The following TRPC7 variants were observed in gnomAD, a reference collection of about 807,000 sequenced individuals.
The protein encoded by TRPC7 is transient receptor potential cation channel subfamily C member 7, also known as short transient receptor potential channel 7.
In TRPC7, 42 loss-of-function variants were observed where a neutral mutation model predicts 90.1. The observed-to-expected ratio is 0.47, with a 90% CI of 0.36 to 0.60. The LOEUF (loss-of-function observed/expected upper bound fraction) is 0.60, where lower values mean the gene tolerates loss of function less well. Among genes scored for constraint, TRPC7 ranks in the 20% least tolerant of loss-of-function variants. TRPC7 has a pLI of 0.00. For missense variants in TRPC7, 955 were observed against 1,112.3 expected, an observed-to-expected ratio of 0.86 and a Z score of 2.01; for synonymous variants, 451 against 436.3, an observed-to-expected ratio of 1.03 and a Z score of -0.42.
chr5:136,321,534 A>T (rs571142405), intron 2 of TRPC7, among the ~76,000 whole-genome samples: 1 of 152,324 alleles, frequency 6.6e-6, no homozygotes, highest in South Asian at 2.1e-4. Context: ...CTCATGTCAA[A>T]TGCTCAGGAT....
intron 3 of TRPC7, among the ~76,000 whole-genome samples, chr5:136,303,057 G>T (rs1315248075): frequency 2.0e-5 from 3 of 152,008 alleles, no homozygotes; most frequent in Non-Finnish European, 4.4e-5. Context: ...CCTCACACCC[G>T]GTCTGGCTTA....
intron 2 of TRPC7, among the ~76,000 whole-genome samples, chr5:136,327,238 A>C (rs1759371408): frequency 6.6e-6 from 1 of 152,232 alleles, no homozygotes; most frequent in African/African-American, 2.4e-5. Flanking sequence ...TACAACAATG[A>C]GAGATAATGG....
intron 2 of TRPC7, among the ~76,000 whole-genome samples, chr5:136,347,280 G>A (rs1760039495): frequency 6.6e-6 from 1 of 152,126 alleles, no homozygotes; most frequent in Non-Finnish European, 1.5e-5. Context: ...ATACTCAATT[G>A]AGTATTTGCC....
chr5:136,253,723 C>T (rs980509876), intron 5 of TRPC7, among the ~76,000 whole-genome samples: 10 of 152,248 alleles, frequency 6.6e-5, no homozygotes, highest in African/African-American at 1.9e-4. Flanking sequence ...AGTATTTCAA[C>T]AATATTGATA....
chr5:136,215,504 C>A (rs1755234763), intron 11 of TRPC7, among the ~76,000 whole-genome samples: 1 of 152,108 alleles, frequency 6.6e-6, no homozygotes, highest in Non-Finnish European at 1.5e-5. Flanking sequence ...CCTGGTGGAA[C>A]CAATTCAATC....
chr5:136,344,232 G>C (rs1263745767), intron 2 of TRPC7, among the ~76,000 whole-genome samples: 1 of 152,074 alleles, frequency 6.6e-6, no homozygotes, highest in Non-Finnish European at 1.5e-5. Context: ...GAGCGCAAAT[G>C]GACACAAAGA....
chr5:136,218,798 C>G (rs1337177173), intron 10 of TRPC7, among the ~76,000 whole-genome samples: 1 of 152,180 alleles, frequency 6.6e-6, no homozygotes, highest in Non-Finnish European at 1.5e-5. Context: ...GCATTGAGTG[C>G]TTCCATAGAC....
chr5:136,309,008 A>G (rs1014925098), intron 3 of TRPC7, among the ~76,000 whole-genome samples: 2 of 152,184 alleles, frequency 1.3e-5, no homozygotes, highest in Non-Finnish European at 2.9e-5. Flanking sequence ...GAATAGAAGG[A>G]GGCAAGGGAC....
intron 5 of TRPC7, among the ~76,000 whole-genome samples, chr5:136,264,842 C>T (rs575495724): frequency 2.6e-5 from 4 of 152,278 alleles, no homozygotes; most frequent in African/African-American, 7.2e-5. Flanking sequence ...CCACCCCCTT[C>T]GGCCTTCCAA....
intron 2 of TRPC7, among the ~76,000 whole-genome samples, chr5:136,344,577 A>C (rs1053762042): frequency 6.6e-6 from 1 of 152,164 alleles, no homozygotes; most frequent in Non-Finnish European, 1.5e-5. Flanking sequence ...ATGACTTTAC[A>C]TTTCTCATAC....
intron 3 of TRPC7, among the ~76,000 whole-genome samples, chr5:136,311,945 T>C (rs1373445331): frequency 6.6e-6 from 1 of 152,214 alleles, no homozygotes; most frequent in Non-Finnish European, 1.5e-5. Context: ...CCTGGAGATA[T>C]TTGAGGCACA....
chr5:136,346,268 A>T, intron 2 of TRPC7, among the ~76,000 whole-genome samples: 1 of 152,220 alleles, frequency 6.6e-6, no homozygotes, highest in East Asian at 1.9e-4. Flanking sequence ...AAAATGAACT[A>T]TTCTTAGATG....
At chr5:136,346,665 A>C (rs1015105362) in intron 2 of TRPC7, among the ~76,000 whole-genome samples, 1 of 152,134 alleles carries the variant, frequency 6.6e-6, no homozygotes, top group African/African-American at 2.4e-5. Context: ...TTTTCTCCGG[A>C]CTGACCTCTT....
At chr5:136,356,296 G>T (rs1042302264) in intron 2 of TRPC7, among the ~76,000 whole-genome samples, 4 of 152,238 alleles carry the variant, frequency 2.6e-5, no homozygotes, top group African/African-American at 9.6e-5. Context: ...GCTCCCTGAG[G>T]CGGAGCTAAG....
At chr5:136,312,972 CTTTTTTT>C (rs34840823) in intron 3 of TRPC7, among the ~76,000 whole-genome samples, 7 of 97,054 alleles carry the variant, frequency 7.2e-5, no homozygotes, top group South Asian at 4.3e-4. Context: ...AGTAGTGATT[CTTTTTTT>C]TTTTTTTTTT....
intron 4 of TRPC7, among the ~76,000 whole-genome samples, chr5:136,270,772 C>T (rs1002821944): frequency 6.6e-6 from 1 of 152,168 alleles, no homozygotes; most frequent in Non-Finnish European, 1.5e-5. Context: ...TGAAAGTGAT[C>T]AGCTTCCGGC....
At chr5:136,275,414 T>C (rs1341830375) in intron 3 of TRPC7, among the ~76,000 whole-genome samples, 1 of 152,038 alleles carries the variant, frequency 6.6e-6, no homozygotes, top group African/African-American at 2.4e-5. Flanking sequence ...TCTTTACCTA[T>C]GTAGTCTAAG....
intron 3 of TRPC7, among the ~76,000 whole-genome samples, chr5:136,298,661 C>A (rs1454149341): frequency 1.3e-5 from 2 of 152,100 alleles, no homozygotes; most frequent in Non-Finnish European, 2.9e-5. Context: ...AAAAGGCCAA[C>A]CCCCTTGCCT....
chr5:136,238,301 G>A (rs1329664974), intron 7 of TRPC7, among the ~76,000 whole-genome samples: 1 of 152,172 alleles, frequency 6.6e-6, no homozygotes, highest in Non-Finnish European at 1.5e-5. Flanking sequence ...TCTGAAATGT[G>A]AGCTCCATGC....
Sources: allele counts gnomAD v4.1 joint callset (sites outside exome capture counted in the v4.1 genomes callset), GRCh38; gene constraint gnomAD v4.1.1; transcripts MANE v1.5; gene names NCBI Gene and HGNC (gene_info 2026-07-23, HGNC 2026-07-21).